Variants in DPF1 observed in about 807,000 individuals in gnomAD.
DPF1 encodes double PHD fingers 1, also known as zinc finger protein neuro-d4.
DPF1 carries 14 observed loss-of-function variants against 58.7 expected under a neutral mutation model. That is an observed-to-expected ratio of 0.24 (90% CI 0.16 to 0.37). The LOEUF is 0.37. Among genes scored for constraint, DPF1 ranks in the 10% least tolerant of loss-of-function variants. DPF1 has a pLI of 1.00. For synonymous variants in DPF1, 216 were observed against 216.0 expected (o/e 1.00, Z 0.00); for missense variants, 345 against 529.9 (o/e 0.65, Z 3.43).
At chr19:38,219,203 C>A in intron 3 of DPF1, 145 bp from the exon 4 acceptor site, 1 of 1,236,544 alleles carries the variant, frequency 8.1e-7, no homozygotes, top group Non-Finnish European at 1.1e-6. Context: ...GGAGGGAGGC[C>A]CAGACTCTGG....
chr19:38,220,199 G>A (rs1967345248), intron 3 of DPF1, among the ~76,000 whole-genome samples: 1 of 144,722 alleles, frequency 6.9e-6, no homozygotes, highest in Admixed American at 7.0e-5. Context: ...AGGAAGGAAG[G>A]AGGGAAAGAA....
Position 38,222,826 on chromosome 19 carries a change from C to CCG in DPF1, c.30-119_30-118insCG. On this transcript the variant is annotated intron_variant, in intron 1 of 11. Coordinates refer to ENST00000355526, the MANE Select transcript of DPF1 (RefSeq NM_001135155.3). This position sits in a 1 kb window ranked among gnomAD's most constrained non-coding sequence, Gnocchi z 4.9. Reference sequence around the variant, plus strand: ...CTCGGGAGGGGTGGGCCGACCCCTCCAGCCTCACCTCTCCCCTCCTCCCAC... The same window carrying CCG: ...CTCGGGAGGGGTGGGCCGACCCCTCCCGAGCCTCACCTCTCCCCTCCTCCCAC... The CCG allele has an allele frequency of 7.5e-7, 1 of 1,327,196 alleles. No individual in the cohort carries two copies. Among genetic ancestry groups the CCG allele is most frequent in the Non-Finnish European group, 9.8e-7 (1 of 1,016,812 alleles). 82.2% of individuals were successfully genotyped at this position (1,327,196 alleles called of 1,614,324 possible).
At chr19:38,213,812 C>G in intron 9 of DPF1, 56 bp from the exon 10 acceptor site, 4 of 1,468,104 alleles carry the variant, frequency 2.7e-6, no homozygotes, top group Non-Finnish European at 3.8e-6. Context: ...CTGGTGGGCA[C>G]TGACCGGCAG....
chr19:38,218,892 C>T (rs2288907), intron 4 of DPF1, 39 bp downstream of exon 4: 71 of 1,610,130 alleles, frequency 4.4e-5, no homozygotes, highest in Admixed American at 2.0e-4. Context: ...AGGGGTGAGA[C>T]GAAGCCATGC....
chr19:38,217,690 C>A, intron 6 of DPF1, 99 bp from the exon 7 acceptor site: 1 of 1,563,080 alleles, frequency 6.4e-7, no homozygotes, highest in African/African-American at 1.3e-5. Flanking sequence ...CAGCCAGAGA[C>A]CTGAGCAGCC....
rs565805668 is a variant in DPF1 at position 38,212,010 on chromosome 19, C to T, written c.*53G>A. ...CAGGGTGGGGGAGAATTGAGGAGCT[C>T]GGAGAGGCAGGTAGGCGAGCACCAC... On this transcript the variant is annotated 3_prime_UTR_variant, in exon 12 of 12. Coordinates refer to ENST00000355526, the MANE Select transcript of DPF1 (RefSeq NM_001135155.3). The T allele has an allele frequency of 1.3e-6, 2 of 1,580,650 alleles. No homozygotes were observed. Among genetic ancestry groups the T allele is most frequent in the Admixed American group, 1.8e-5 (1 of 55,136 alleles).
chr19:38,212,516 G>A (rs1414376012), intron 10 of DPF1, 155 bp from the exon 11 acceptor site: 14 of 524,316 alleles, frequency 2.7e-5, no homozygotes, highest in Non-Finnish European at 4.4e-5. Flanking sequence ...AAATGTGTGC[G>A]CAACACTGCT....
intron 9 of DPF1, among the ~76,000 whole-genome samples, chr19:38,215,805 A>T (rs1385346221): frequency 2.0e-5 from 3 of 152,048 alleles, no homozygotes; most frequent in African/African-American, 7.2e-5. Flanking sequence ...CCTGGCCTCA[A>T]GTGATCCTCC....
chr19:38,226,961 T>C (rs1967848420), upstream of DPF1, among the ~76,000 whole-genome samples: 1 of 151,482 alleles, frequency 6.6e-6, no homozygotes, highest in African/African-American at 2.4e-5. Flanking sequence ...AGAATTTCTA[T>C]TTTTCTTTCT....
At chr19:38,227,690 C>G (rs552992668), upstream of DPF1, among the ~76,000 whole-genome samples, 8 of 152,342 alleles carry the variant, frequency 5.3e-5, no homozygotes, top group Admixed American at 1.3e-4. Flanking sequence ...ACAGTCCCAT[C>G]GGGTGGTAAG....
In DPF1 at chr19:38,211,302, CGTGGCGGAGTCT is replaced by C. The variant is rs1973397453; in HGVS notation, c.*749_*760del. The C allele has an allele frequency of 6.6e-6, 1 of 152,184 alleles. No individual in the cohort carries two copies. Among genetic ancestry groups the C allele is most frequent in the Admixed American group, 6.5e-5 (1 of 15,278 alleles). The allele number at this position is 152,184 out of a possible 1,614,324, so 9.4% of individuals were successfully genotyped here. On this transcript the variant is annotated 3_prime_UTR_variant, in exon 12 of 12. Transcript: ENST00000355526. This position sits in a 1 kb window ranked among gnomAD's most constrained non-coding sequence, Gnocchi z 4.0. The stretch of plus-strand genomic sequence containing the variant: ...CGGGAGGAGGGAGAGAAAAGGAGTC[CGTGGCGGAGTCT>C]GTGCTTCTCATTCCAGCAGGCGCTG...
At chr19:38,224,588 G>C (rs1267853466), upstream of DPF1, among the ~76,000 whole-genome samples, 1 of 152,116 alleles carries the variant, frequency 6.6e-6, no homozygotes, top group East Asian at 1.9e-4. The surrounding 1 kb of genome is among the most constrained non-coding windows in gnomAD (Gnocchi z 4.5). Flanking sequence ...AAGAGACGCA[G>C]AGACACCTCC....
At chr19:38,214,575 G>C (rs1442158002) in intron 9 of DPF1, among the ~76,000 whole-genome samples, 2 of 152,166 alleles carry the variant, frequency 1.3e-5, no homozygotes, top group East Asian at 3.8e-4. Context: ...AGCTCATCCT[G>C]CTACCGGTGC....
At chr19:38,214,586 C>T (rs1451708992) in intron 9 of DPF1, among the ~76,000 whole-genome samples, 1 of 152,182 alleles carries the variant, frequency 6.6e-6, no homozygotes, top group Admixed American at 6.5e-5. Context: ...CTACCGGTGC[C>T]CAGGTGGTGG....
rs750016142 is a variant in DPF1, at chr19:38,222,706, A to G, written c.32T>C (p.Leu11Pro). 1.3e-6 allele frequency: 2 copies of G among 1,589,122 alleles called. No homozygotes were observed. The highest frequency in any genetic ancestry group is 1.7e-6 in the Non-Finnish European group (2 of 1,166,830). Residue 11 changes from leucine (L) to proline (P), a missense_variant and splice_region_variant, in exon 2 of 12, where the codon CTA (leucine) becomes CCA (proline). Physicochemically the swap from Leu to Pro is moderately conservative, Grantham distance 98 (BLOSUM62 -3). Transcript: ENST00000355526. This position sits in a 1 kb window ranked among gnomAD's most constrained non-coding sequence, Gnocchi z 4.9. MATVIPGPLS[L>P]GEDFYREAIE... ...GGCCTCGCGGTAGAAGTCCTCGCCT[A>G]GGCTAGAGGGGCGGCGAACGGGCGG...
At chr19:38,213,981 C>T (rs1018352522) in intron 9 of DPF1, 2 of 546,818 alleles carry the variant, frequency 3.7e-6, no homozygotes, top group Admixed American at 3.1e-5. Context: ...CCACACTCTG[C>T]TCCCCAGAAC....
Position 38,229,503 on chromosome 19 carries a change from G to A in DPF1, c.-132+56C>T, listed in dbSNP as rs890631063. ...CTCCTCAGCCCCAGGGCGGGCGGGG[G>A]AAGGGCTCCTGGTGGGGGGGTCTGG... is the stretch of plus-strand genomic sequence containing the variant. On this transcript the variant is annotated intron_variant, in intron 1 of 11. Coordinates refer to the DPF1 transcript ENST00000412732. The surrounding 1 kb of genome is among the most constrained non-coding windows in gnomAD (Gnocchi z 5.3). 104 of 875,356 alleles carry A rather than the reference G, an allele frequency of 1.2e-4. No homozygotes were observed. The highest frequency in any genetic ancestry group is 1.3e-4 in the Non-Finnish European group (97 of 726,316). The allele number at this position is 875,356 out of a possible 1,614,324, so 54.2% of individuals were successfully genotyped here.
At chr19:38,214,601 C>T (rs977571909) in intron 9 of DPF1, among the ~76,000 whole-genome samples, 1 of 152,112 alleles carries the variant, frequency 6.6e-6, no homozygotes, top group African/African-American at 2.4e-5. Flanking sequence ...TGGTGGTGTC[C>T]GTCACTCACA....
At chr19:38,217,394 C>CCCCCCCCGGGGGG in intron 7 of DPF1, 66 bp downstream of exon 7, 1 of 1,128,156 alleles carries the variant, frequency 8.9e-7, no homozygotes, top group Non-Finnish European at 1.2e-6. Context: ...CACCCCCACC[C>CCCCCCCCGGGGGG]CCAGCTGGGC....
Sources: allele counts gnomAD v4.1 joint callset (sites outside exome capture counted in the v4.1 genomes callset), GRCh38; gene constraint gnomAD v4.1.1; non-coding constraint Gnocchi (gnomAD v3.1); transcripts MANE v1.5; gene names NCBI Gene and HGNC (gene_info 2026-07-23, HGNC 2026-07-21).